PARD3B: variants seen among roughly 807,000 people sequenced by gnomAD.
PARD3B encodes the protein partitioning defective 3 homolog B.
In PARD3B, 103 loss-of-function variants were observed where a neutral mutation model predicts 130.2. The observed-to-expected ratio is 0.79, with a 90% CI of 0.67 to 0.93. The LOEUF (loss-of-function observed/expected upper bound fraction) is 0.93. Ranked by LOEUF, PARD3B falls within the 40% of genes least tolerant of loss-of-function variation. The pLI, the probability that PARD3B is intolerant of heterozygous loss-of-function variation, is 0.00. For missense variants in PARD3B, 1,609 were observed against 1,499.2 expected (o/e 1.07, Z -1.21); for synonymous variants, 583 against 553.2 (o/e 1.05, Z -0.76).
At chr2:205,126,703 G>C (rs556423111) in intron 10 of PARD3B, among the ~76,000 whole-genome samples, 1 of 129,450 alleles carries the variant, frequency 7.7e-6, no homozygotes, top group East Asian at 2.3e-4. Context: ...CCGAGATTGC[G>C]CCACTGCAGT....
At position 205,288,133 on chromosome 2, in the gene PARD3B, G is replaced by T. The variant is rs2041465125; in HGVS notation, c.2186-12397G>T. Among the ~76,000 whole-genome samples the T allele has an allele frequency of 6.6e-6, 1 of 152,048 alleles. No individual in the cohort carries two copies. Among genetic ancestry groups the T allele is most frequent in the African/African-American group, 2.4e-5 (1 of 41,384 alleles). On this transcript the variant is annotated intron_variant, in intron 16 of 22. Transcript: ENST00000406610. The surrounding 1 kb of genome is among the most constrained non-coding windows in gnomAD (Gnocchi z 4.0). ...TTACGAGGAGATAGCAAAGGGTCCGGCCATGACAGTCACAATGAAGCCATG... is the reference window on the plus strand; with the variant it reads ...TTACGAGGAGATAGCAAAGGGTCCGTCCATGACAGTCACAATGAAGCCATG...
chr2:204,739,283 T>C (rs1471643269), intron 2 of PARD3B, among the ~76,000 whole-genome samples: 1 of 152,130 alleles, frequency 6.6e-6, no homozygotes. Context: ...TGTATTGAAA[T>C]GTGTGTGTTG....
intron 15 of PARD3B, among the ~76,000 whole-genome samples, chr2:205,234,061 G>C (rs748879364): frequency 1.5e-4 from 23 of 152,102 alleles, no homozygotes; most frequent in Non-Finnish European, 3.1e-4. Flanking sequence ...AGAACAGATA[G>C]GACAACAGCA....
intron 2 of PARD3B, among the ~76,000 whole-genome samples, chr2:204,934,753 G>A (rs1354681790): frequency 6.6e-6 from 1 of 152,026 alleles, no homozygotes; most frequent in Non-Finnish European, 1.5e-5. Flanking sequence ...TCTGAAAAAA[G>A]GCAGGGTTTA....
In PARD3B at chr2:204,574,497, C is replaced by T. The variant is rs146344557; in HGVS notation, c.120+28378C>T. 2.8e-4 allele frequency among the ~76,000 whole-genome samples: 43 copies of T among 152,248 alleles called. No homozygotes were observed. The Middle Eastern group carries it at 0.01, about 36-fold the overall frequency. Reference sequence around the variant, plus strand: ...AGGTTATAGATTCTTGATTTTTACACGATGGTCTAAGGGAGACATCTCAGT... The same window carrying T: ...AGGTTATAGATTCTTGATTTTTACATGATGGTCTAAGGGAGACATCTCAGT... On this transcript the variant is annotated intron_variant, in intron 1 of 22. Transcript: ENST00000406610.
At chr2:204,579,646 C>T (rs1289534105) in intron 1 of PARD3B, among the ~76,000 whole-genome samples, 1 of 152,156 alleles carries the variant, frequency 6.6e-6, no homozygotes, top group African/African-American at 2.4e-5. Flanking sequence ...GGTAATTATG[C>T]CACAAAGCTT....
intron 3 of PARD3B, among the ~76,000 whole-genome samples, chr2:205,025,996 G>A (rs551284736): frequency 4.4e-4 from 67 of 152,202 alleles, no homozygotes; most frequent in African/African-American, 1.4e-3. Flanking sequence ...TATACAGCCC[G>A]CGGTACGCTA....
chr2:205,024,680 C>T (rs1185870736), intron 3 of PARD3B, among the ~76,000 whole-genome samples: 1 of 152,280 alleles, frequency 6.6e-6, no homozygotes, highest in African/African-American at 2.4e-5. Flanking sequence ...GTAATTTCCT[C>T]ATAGATCTAT....
rs2039361277 is a variant in PARD3B, at chr2:205,241,698, T to TA, written c.2141-4080_2141-4079insA. ...TTACTCAATGCTTTTAATTAATACT[T>TA]TACTGTTTTGGAATCAAAGACCTTT... On this transcript the variant is annotated intron_variant, in intron 15 of 22. Coordinates refer to ENST00000406610, the MANE Select transcript of PARD3B (RefSeq NM_001302769.2). This position sits in a 1 kb window ranked among gnomAD's most constrained non-coding sequence, Gnocchi z 4.2. 6.6e-6 allele frequency among the ~76,000 whole-genome samples: 1 copy of TA among 152,172 alleles called. No individual in the cohort carries two copies. The highest frequency in any genetic ancestry group is 1.5e-5 in the Non-Finnish European group (1 of 68,004).
chr2:204,834,384 A>G (rs899490047), intron 2 of PARD3B, among the ~76,000 whole-genome samples: 1 of 152,172 alleles, frequency 6.6e-6, no homozygotes, highest in Non-Finnish European at 1.5e-5. Context: ...TAATCACTGG[A>G]AATAGAAGTA....
intron 3 of PARD3B, among the ~76,000 whole-genome samples, chr2:204,970,143 C>T (rs1437688351): frequency 1.3e-5 from 2 of 152,154 alleles, no homozygotes; most frequent in African/African-American, 2.4e-5. Flanking sequence ...CCTGACTAGT[C>T]CCTACACTGC....
At position 205,430,582 on chromosome 2, in the gene PARD3B, A is replaced by G. The variant is rs145374024; in HGVS notation, c.2742-9788A>G. On this transcript the variant is annotated intron_variant, in intron 19 of 22. Transcript: ENST00000406610. ...CATTTCCATCATCACGGAAAATCCTATTGGAAAGCACTGCTCTAGAAGTTA... is the reference window on the plus strand; with the variant it reads ...CATTTCCATCATCACGGAAAATCCTGTTGGAAAGCACTGCTCTAGAAGTTA... Among the ~76,000 whole-genome samples, 233 of 152,308 alleles carry G rather than the reference A, an allele frequency of 1.5e-3. 2 individuals are homozygous for G. Among genetic ancestry groups the G allele is most frequent in the Non-Finnish European group, 1.6e-3 (111 of 68,032 alleles).
chr2:205,091,838 A>G lies in PARD3B; in HGVS notation c.505-12588A>G, dbSNP rs1273462619. Among the ~76,000 whole-genome samples, 1 of 152,062 alleles carries G rather than the reference A, an allele frequency of 6.6e-6. No homozygotes were observed. Among genetic ancestry groups the G allele is most frequent in the African/African-American group, 2.4e-5 (1 of 41,412 alleles). On this transcript the variant is annotated intron_variant, in intron 4 of 22. Transcript: ENST00000406610. The surrounding 1 kb of genome is among the most constrained non-coding windows in gnomAD (Gnocchi z 4.2). ...CCCCAGAATGGACTCTTCAGAGCAA[A>G]AAGTGTATACATTTTTTCATCTCTG... is the stretch of plus-strand genomic sequence containing the variant.
intron 2 of PARD3B, among the ~76,000 whole-genome samples, chr2:204,885,763 C>T (rs1460062190): frequency 6.6e-6 from 1 of 152,038 alleles, no homozygotes; most frequent in Non-Finnish European, 1.5e-5. Context: ...GCCTATATGT[C>T]CAGTTTCAAA....
At chr2:205,326,401 A>C (rs577297811) in intron 18 of PARD3B, among the ~76,000 whole-genome samples, 1 of 152,322 alleles carries the variant, frequency 6.6e-6, no homozygotes, top group African/African-American at 2.4e-5. Context: ...TTTGGCATCC[A>C]TTGAAAGAAT....
chr2:205,474,204 T>C (rs1575110901), intron 20 of PARD3B, among the ~76,000 whole-genome samples: 1 of 152,038 alleles, frequency 6.6e-6, no homozygotes, highest in Non-Finnish European at 1.5e-5. Flanking sequence ...ATTTTCTTAA[T>C]TTTCTCTGAG....
intron 16 of PARD3B, 21 bp downstream of exon 16, chr2:205,245,843 G>A: frequency 6.4e-7 from 1 of 1,560,420 alleles, no homozygotes; most frequent in Non-Finnish European, 8.8e-7. Flanking sequence ...CCTTGTAACT[G>A]ACTATATTCC....
chr2:205,465,548 T>G (rs1017437205), intron 20 of PARD3B, among the ~76,000 whole-genome samples: 4 of 152,244 alleles, frequency 2.6e-5, no homozygotes, highest in Non-Finnish European at 5.9e-5. Context: ...ACTTTCCTTG[T>G]GGGAAGTAAT....
intron 2 of PARD3B, among the ~76,000 whole-genome samples, chr2:204,810,703 A>C (rs2042933466): frequency 6.6e-6 from 1 of 152,136 alleles, no homozygotes; most frequent in African/African-American, 2.4e-5. Flanking sequence ...TGCTGGGTTC[A>C]GTTTGCCAGC....
Sources: allele counts gnomAD v4.1 joint callset (sites outside exome capture counted in the v4.1 genomes callset), GRCh38; gene constraint gnomAD v4.1.1; non-coding constraint Gnocchi (gnomAD v3.1); transcripts MANE v1.5; gene names NCBI Gene and HGNC (gene_info 2026-07-23, HGNC 2026-07-21).